Variants in STUM observed in about 807,000 individuals in gnomAD.
STUM encodes the protein stum, mechanosensory transduction mediator homolog.
In STUM, 8 loss-of-function variants were observed where a neutral mutation model predicts 15.3. That is an observed-to-expected ratio of 0.52 (90% CI 0.31 to 0.94). STUM has a LOEUF of 0.94. STUM is among the 40% of genes least tolerant of loss of function. STUM has a pLI of 0.05. For missense variants in STUM, 142 were observed against 204.9 expected (o/e 0.69, Z 1.87); for synonymous variants, 78 against 88.7 (o/e 0.88, Z 0.68).
chr1:226,568,488 A>G (rs1667656887), intron 1 of STUM, among the ~76,000 whole-genome samples: 1 of 152,268 alleles, frequency 6.6e-6, no homozygotes, highest in Admixed American at 6.5e-5. Flanking sequence ...AATTGGAACC[A>G]GAACGCTGCC....
At position 226,549,809 on chromosome 1, in the gene STUM, G is replaced by A. The variant is rs1667342223; in HGVS notation, c.202+703G>A. On this transcript the variant is annotated intron_variant, in intron 1 of 3. Transcript: ENST00000366788. The surrounding 1 kb of genome is among the most constrained non-coding windows in gnomAD (Gnocchi z 6.8). ...CCCTTCTGTTCCTGAGAAGTAGAGA[G>A]TGCGCCGATGTAATTCTGTGCAGGA... 6.6e-6 allele frequency among the ~76,000 whole-genome samples: 1 copy of A among 152,232 alleles called. No individual in the cohort carries two copies. The highest frequency in any genetic ancestry group is 1.5e-5 in the Non-Finnish European group (1 of 68,036).
rs367869003 is a variant in STUM, at chr1:226,567,859, A to G, written c.202+18753A>G. Among the ~76,000 whole-genome samples, 48 of 152,174 alleles carry G rather than the reference A, an allele frequency of 3.2e-4. No individual in the cohort carries two copies. Among genetic ancestry groups the G allele is most frequent in the African/African-American group, 1.0e-3 (43 of 41,428 alleles). ...GAATTATGAATCATAAAGAATTATGAATTACTAGAAAGCTATTGTGTTGAC... is the reference window on the plus strand; with the variant it reads ...GAATTATGAATCATAAAGAATTATGGATTACTAGAAAGCTATTGTGTTGAC... On this transcript the variant is annotated intron_variant, in intron 1 of 3. Coordinates refer to ENST00000366788, the MANE Select transcript of STUM (RefSeq NM_001003665.4). This position sits in a 1 kb window ranked among gnomAD's most constrained non-coding sequence, Gnocchi z 4.5.
intron 1 of STUM, among the ~76,000 whole-genome samples, chr1:226,587,081 C>A (rs1668010226): frequency 2.0e-5 from 3 of 152,148 alleles, no homozygotes; most frequent in African/African-American, 7.2e-5. Context: ...CCTATGGTGT[C>A]CAGTTCTGTA....
chr1:226,577,422 C>A (rs967252769), intron 1 of STUM, among the ~76,000 whole-genome samples: 23 of 152,112 alleles, frequency 1.5e-4, no homozygotes, highest in Non-Finnish European at 2.9e-4. Flanking sequence ...GGAATGAAGC[C>A]TCGGGAAGTC....
At chr1:226,585,191 A>G (rs189790055) in intron 1 of STUM, among the ~76,000 whole-genome samples, 1 of 152,298 alleles carries the variant, frequency 6.6e-6, no homozygotes, top group East Asian at 1.9e-4. Context: ...AGGTGGAGTG[A>G]AGAATAGTGC....
chr1:226,583,034 C>T (rs535124743), intron 1 of STUM, among the ~76,000 whole-genome samples: 2 of 152,288 alleles, frequency 1.3e-5, no homozygotes, highest in South Asian at 2.1e-4. Context: ...TGCGGCCATC[C>T]GCATGTGGTG....
chr1:226,561,750 T>C (rs3942523), intron 1 of STUM, among the ~76,000 whole-genome samples: 8,105 of 152,098 alleles, frequency 0.053, 563 homozygotes, highest in African/African-American at 0.16. Context: ...TAAGGGGAAG[T>C]TGGATGAGGA....
At chr1:226,562,340 A>C (rs570542844) in intron 1 of STUM, among the ~76,000 whole-genome samples, 10 of 151,996 alleles carry the variant, frequency 6.6e-5, no homozygotes, top group Non-Finnish European at 7.4e-5. Context: ...GTGGTGGTGC[A>C]TGCCTGTAGT....
intron 1 of STUM, among the ~76,000 whole-genome samples, chr1:226,589,555 C>G (rs1668052068): frequency 1.3e-5 from 2 of 152,218 alleles, no homozygotes. Flanking sequence ...GAGGACTTCC[C>G]CAGGCCTCTG....
chr1:226,564,002 G>C (rs985122094), intron 1 of STUM, among the ~76,000 whole-genome samples: 1 of 152,182 alleles, frequency 6.6e-6, no homozygotes, highest in Non-Finnish European at 1.5e-5. Flanking sequence ...AGGCTCGGGT[G>C]GTCTTGCGTC....
rs550426782 is a variant in STUM, at chr1:226,549,527, G to A, written c.202+421G>A. On this transcript the variant is annotated intron_variant, in intron 1 of 3. Transcript: ENST00000366788. This position sits in a 1 kb window ranked among gnomAD's most constrained non-coding sequence, Gnocchi z 6.8. ...TCAGAATGAGCTCTAGGGCCTCGGC[G>A]GCGAGGATCAAACTCCCGGGCGTCG... 6.6e-6 allele frequency among the ~76,000 whole-genome samples: 1 copy of A among 152,308 alleles called. No individual in the cohort carries two copies. Among genetic ancestry groups the A allele is most frequent in the Non-Finnish European group, 1.5e-5 (1 of 68,028 alleles).
intron 1 of STUM, among the ~76,000 whole-genome samples, chr1:226,578,001 C>G (rs1168395747): frequency 6.6e-6 from 1 of 152,164 alleles, no homozygotes; most frequent in Non-Finnish European, 1.5e-5. Context: ...GACACGCAGC[C>G]TTACTTTTTC....
Position 226,604,749 on chromosome 1 carries a change from A to G in STUM, c.*2709A>G, listed in dbSNP as rs1668330641. On this transcript the variant is annotated 3_prime_UTR_variant, in exon 4 of 4. Transcript: ENST00000366788. This position sits in a 1 kb window ranked among gnomAD's most constrained non-coding sequence, Gnocchi z 4.7. The stretch of plus-strand genomic sequence containing the variant: ...TGACAAAGCTGGGCTTTGCCTGCAT[A>G]GTGCAGACAAGGCTGTTGGTTCAGA... 2 of 152,272 alleles carry G rather than the reference A, an allele frequency of 1.3e-5. No individual in the cohort carries two copies. The highest frequency in any genetic ancestry group is 2.9e-5 in the Non-Finnish European group (2 of 68,060). The allele number at this position is 152,272 out of a possible 1,614,324, so 9.4% of individuals were successfully genotyped here. A position where few individuals can be genotyped will look rare whatever the true frequency, so the allele number is the denominator to read the frequency against.
rs772775739 is a variant in STUM at position 226,548,957 on chromosome 1, C to T, written c.53C>T (p.Ala18Val). ...AETAAAAAAV[A>V]AADPRGASSS... The stretch of plus-strand genomic sequence containing the variant: ...ACGGCGGCGGCGGCGGCGGCGGTGG[C>T]GGCGGCGGACCCCCGGGGGGCGTCC... The change falls in exon 1 of 4, where the codon GCG becomes GTG. Residue 18 changes from alanine to valine, a missense_variant. By Grantham distance (64) the Ala-to-Val change is moderately conservative (BLOSUM62 0). This residue lies in a region of STUM where 113 missense variants were observed against 134.4 expected (regional missense o/e 0.84). Transcript: ENST00000366788. 104 of 1,468,608 alleles carry T rather than the reference C, an allele frequency of 7.1e-5. No individual in the cohort carries two copies. Among genetic ancestry groups the T allele is most frequent in the Non-Finnish European group, 9.2e-5 (102 of 1,114,698 alleles). 91.0% of individuals were successfully genotyped at this position (1,468,608 alleles called of 1,614,324 possible). A position where few individuals can be genotyped will look rare whatever the true frequency, so the allele number is the denominator to read the frequency against.
In STUM at chr1:226,550,468, A is replaced by G. The variant is rs1469143450; in HGVS notation, c.202+1362A>G. On this transcript the variant is annotated intron_variant, in intron 1 of 3. Transcript: ENST00000366788. ...CTCTCTTTGCACATTTAGACACTGC[A>G]AGGAGGCCAGCTGGTGTTAATCTAG... is the stretch of plus-strand genomic sequence containing the variant. Among the ~76,000 whole-genome samples the G allele has an allele frequency of 3.3e-5, 5 of 151,962 alleles. No individual in the cohort carries two copies. The East Asian group carries it at 5.8e-4, about 18-fold the overall frequency.
chr1:226,570,689 C>G (rs1379872637), intron 1 of STUM, among the ~76,000 whole-genome samples: 1 of 152,120 alleles, frequency 6.6e-6, no homozygotes, highest in African/African-American at 2.4e-5. Context: ...GCTGCAGCAT[C>G]CAAACAAATG....
chr1:226,574,838 C>T (rs1667780099), intron 1 of STUM, among the ~76,000 whole-genome samples: 1 of 152,122 alleles, frequency 6.6e-6, no homozygotes, highest in African/African-American at 2.4e-5. Context: ...ACTCCTGAAG[C>T]CCAGAGGGCG....
intron 1 of STUM, among the ~76,000 whole-genome samples, chr1:226,572,898 G>A (rs908938186): frequency 6.6e-6 from 1 of 152,214 alleles, no homozygotes; most frequent in South Asian, 2.1e-4. Context: ...CATGGGCACT[G>A]AGGCTCAGAG....
intron 1 of STUM, among the ~76,000 whole-genome samples, chr1:226,580,164 G>T (rs897628846): frequency 1.3e-4 from 20 of 152,140 alleles, no homozygotes; most frequent in African/African-American, 4.3e-4. Context: ...TGGGCTGTGT[G>T]GGAGGAGGAG....
Sources: allele counts gnomAD v4.1 joint callset (sites outside exome capture counted in the v4.1 genomes callset), GRCh38; gene constraint gnomAD v4.1.1; regional missense constraint gnomAD v4.1.1; non-coding constraint Gnocchi (gnomAD v3.1); transcripts MANE v1.5; gene names NCBI Gene and HGNC (gene_info 2026-07-23, HGNC 2026-07-21).